PAK5: variants seen among roughly 807,000 people sequenced by gnomAD.
PAK5 encodes serine/threonine-protein kinase PAK 5.
In PAK5, 16 loss-of-function variants were observed where a neutral mutation model predicts 65.9. The observed-to-expected ratio is 0.24, with a 90% CI of 0.16 to 0.37. The LOEUF is 0.37. Among genes scored for constraint, PAK5 ranks in the 10% least tolerant of loss-of-function variants. The pLI is 1.00. For synonymous variants in PAK5, 371 were observed against 354.9 expected, an observed-to-expected ratio of 1.05 and a Z score of -0.51; for missense variants, 785 against 903.9, an observed-to-expected ratio of 0.87 and a Z score of 1.69.
At chr20:9,548,043 C>T (rs945063288) in intron 7 of PAK5, among the ~76,000 whole-genome samples, 5 of 152,178 alleles carry the variant, frequency 3.3e-5, no homozygotes, top group Admixed American at 6.5e-5. Context: ...CTACTGCTGG[C>T]GCAAACACAC....
chr20:9,653,795 TC>T (rs1569022247), intron 2 of PAK5, among the ~76,000 whole-genome samples: 1 of 152,146 alleles, frequency 6.6e-6, no homozygotes, highest in Non-Finnish European at 1.5e-5. Flanking sequence ...CTGGTAAAAA[TC>T]AAGGCATTGG....
chr20:9,776,863 A>G (rs929969282), intron 1 of PAK5, among the ~76,000 whole-genome samples: 6 of 152,226 alleles, frequency 3.9e-5, no homozygotes, highest in African/African-American at 1.2e-4. Flanking sequence ...TTTCTGATCC[A>G]TAGAAACTAT....
At chr20:9,710,364 A>G (rs984904966) in intron 2 of PAK5, among the ~76,000 whole-genome samples, 1 of 152,212 alleles carries the variant, frequency 6.6e-6, no homozygotes, top group Non-Finnish European at 1.5e-5. Flanking sequence ...GAAGCAGGCC[A>G]CAGACATATT....
At chr20:9,698,465 A>C (rs2047897780) in intron 2 of PAK5, among the ~76,000 whole-genome samples, 1 of 152,152 alleles carries the variant, frequency 6.6e-6, no homozygotes, top group East Asian at 1.9e-4. Flanking sequence ...AATGATACTT[A>C]TATCCATTTC....
At chr20:9,768,116 G>T (rs572997905) in intron 1 of PAK5, among the ~76,000 whole-genome samples, 61 of 152,052 alleles carry the variant, frequency 4.0e-4, no homozygotes, top group African/African-American at 1.4e-3. Flanking sequence ...TTTAATTTTT[G>T]ATTACTATGG....
chr20:9,597,165 A>G (rs1046618349), intron 3 of PAK5, among the ~76,000 whole-genome samples: 1 of 152,158 alleles, frequency 6.6e-6, no homozygotes, highest in Non-Finnish European at 1.5e-5. Flanking sequence ...TCACCAAATC[A>G]CTTTCCCTTG....
At chr20:9,574,964 AAAG>A in intron 4 of PAK5, among the ~76,000 whole-genome samples, 1 of 152,282 alleles carries the variant, frequency 6.6e-6, no homozygotes, top group South Asian at 2.1e-4. Context: ...CCTCAGTAGA[AAAG>A]AAGTTGCTGT....
intron 2 of PAK5, among the ~76,000 whole-genome samples, chr20:9,708,117 G>A (rs2048031441): frequency 6.6e-6 from 1 of 152,108 alleles, no homozygotes; most frequent in Non-Finnish European, 1.5e-5. Flanking sequence ...AGCAATTTTT[G>A]TTTTGTATCT....
At chr20:9,718,306 G>T (rs2048173833) in intron 1 of PAK5, among the ~76,000 whole-genome samples, 1 of 151,992 alleles carries the variant, frequency 6.6e-6, no homozygotes, top group Non-Finnish European at 1.5e-5. Context: ...CTCAAGGATG[G>T]CAGCCCCTTA....
At chr20:9,764,186 G>T (rs868530028) in intron 1 of PAK5, among the ~76,000 whole-genome samples, 4 of 152,144 alleles carry the variant, frequency 2.6e-5, no homozygotes, top group Non-Finnish European at 4.4e-5. Flanking sequence ...CAAGGACACT[G>T]TGTTGGCTTC....
chr20:9,539,370 C>G lies in PAK5; in HGVS notation c.*92G>C. 7.8e-7 allele frequency: 1 copy of G among 1,280,654 alleles called. No individual in the cohort carries two copies. The highest frequency in any genetic ancestry group is 1.1e-6 in the Non-Finnish European group (1 of 894,566). 79.3% of individuals were successfully genotyped at this position (1,280,654 alleles called of 1,614,324 possible). A position where few individuals can be genotyped will look rare whatever the true frequency, so the allele number is the denominator to read the frequency against. ...CCCACCAATTGGCTGGTCTAGAATG[C>G]ACAGGCCTTTTGCATGTTCTGTGTT... On this transcript the variant is annotated 3_prime_UTR_variant, in exon 10 of 10. Transcript: ENST00000353224.
Position 9,740,698 on chromosome 20 carries a change from C to T in PAK5, c.-161-29263G>A, listed in dbSNP as rs528727424. Among the ~76,000 whole-genome samples the T allele has an allele frequency of 1.5e-3, 228 of 152,274 alleles. 1 individual carries two copies. The highest frequency in any genetic ancestry group is 2.6e-3 in the Non-Finnish European group (179 of 68,024). On this transcript the variant is annotated intron_variant, in intron 1 of 9. Transcript: ENST00000353224. Reference sequence around the variant, plus strand: ...ATTCGAGTTGCCCCAGTCTTTTGAGCGGAGGCCAGCCTCAATCAGCCAACA... The same window carrying T: ...ATTCGAGTTGCCCCAGTCTTTTGAGTGGAGGCCAGCCTCAATCAGCCAACA...
At chr20:9,699,537 G>A (rs1265040863) in intron 2 of PAK5, among the ~76,000 whole-genome samples, 1 of 140,678 alleles carries the variant, frequency 7.1e-6, no homozygotes, top group Non-Finnish European at 1.5e-5. Context: ...AAAAGAGAAG[G>A]GTTATTTTGC....
At chr20:9,804,775 G>A (rs1320373984) in intron 1 of PAK5, among the ~76,000 whole-genome samples, 7 of 152,150 alleles carry the variant, frequency 4.6e-5, no homozygotes, top group Non-Finnish European at 7.4e-5. Context: ...TGGGCCAGGT[G>A]TGATGGCTCA....
At chr20:9,622,762 A>T (rs6118670) in intron 3 of PAK5, among the ~76,000 whole-genome samples, 1 of 152,194 alleles carries the variant, frequency 6.6e-6, no homozygotes, top group East Asian at 1.9e-4. Context: ...ATCATTTGAG[A>T]TGGAACACTT....
At chr20:9,598,214 G>A (rs538931983) in intron 3 of PAK5, among the ~76,000 whole-genome samples, 8 of 152,118 alleles carry the variant, frequency 5.3e-5, no homozygotes, top group East Asian at 1.9e-4. Flanking sequence ...GCGGTGTTTC[G>A]TTTTGTGTTC....
At chr20:9,615,370 G>A (rs2046636515) in intron 3 of PAK5, among the ~76,000 whole-genome samples, 1 of 152,204 alleles carries the variant, frequency 6.6e-6, no homozygotes, top group Admixed American at 6.5e-5. Flanking sequence ...CAACAAACAT[G>A]CCACTTTGGT....
intron 2 of PAK5, among the ~76,000 whole-genome samples, chr20:9,648,112 AC>A (rs1185992899): frequency 1.3e-5 from 2 of 152,116 alleles, no homozygotes; most frequent in African/African-American, 4.8e-5. Flanking sequence ...CCCAAAGACC[AC>A]CCCCAGGCTT....
intron 2 of PAK5, among the ~76,000 whole-genome samples, chr20:9,677,320 C>T (rs879563025): frequency 2.6e-5 from 4 of 152,096 alleles, no homozygotes; most frequent in Non-Finnish European, 4.4e-5. Context: ...CTCGGCATAA[C>T]GCTCTGTCCT....
Sources: allele counts gnomAD v4.1 joint callset (sites outside exome capture counted in the v4.1 genomes callset), GRCh38; gene constraint gnomAD v4.1.1; transcripts MANE v1.5; gene names NCBI Gene and HGNC (gene_info 2026-07-23, HGNC 2026-07-21).